The following LGMN variants were observed in gnomAD, a reference collection of about 807,000 sequenced individuals.
LGMN encodes the protein legumain, also known as asparaginyl endopeptidase.
In LGMN, 36 loss-of-function variants were observed where a neutral mutation model predicts 56.8. The ratio of observed to expected loss-of-function variants is 0.63; its 90% CI spans 0.49 to 0.84. LGMN has a LOEUF of 0.84. LGMN is among the 40% of genes least tolerant of loss of function. The pLI is 0.00. For synonymous variants in LGMN, 199 were observed against 210.1 expected, an observed-to-expected ratio of 0.95 and a Z score of 0.46; for missense variants, 446 against 556.1, an observed-to-expected ratio of 0.80 and a Z score of 1.99.
At chr14:92,722,298 G>A (rs923284546) in intron 2 of LGMN, among the ~76,000 whole-genome samples, 14 of 152,024 alleles carry the variant, frequency 9.2e-5, no homozygotes, top group East Asian at 1.9e-4. Flanking sequence ...CAGGCCAGGC[G>A]CAGTGGCTCA....
Position 92,709,876 on chromosome 14 carries a change from G to A in LGMN, c.820-4C>T, listed in dbSNP as rs761564492. ...TCACTTTCATGGTGGAGATTGTCTG[G>A]GGAGACAGACAGCAAGAGAGAGCGA... On this transcript the variant is annotated splice_region_variant and splice_polypyrimidine_tract_variant and intron_variant, in intron 10 of 13. Transcript: ENST00000334869. 6.3e-7 allele frequency: 1 copy of A among 1,596,222 alleles called. No homozygotes were observed. Among genetic ancestry groups the A allele is most frequent in the Admixed American group, 1.7e-5 (1 of 59,034 alleles).
chr14:92,721,414 C>T (rs900961180), intron 2 of LGMN, among the ~76,000 whole-genome samples: 2 of 152,154 alleles, frequency 1.3e-5, no homozygotes, highest in Admixed American at 6.5e-5. Flanking sequence ...CAGGCAACAC[C>T]GTGATTTAAC....
intron 1 of LGMN, chr14:92,743,141 G>A (rs1328682107): frequency 6.6e-6 from 1 of 152,022 alleles, no homozygotes; most frequent in African/African-American, 2.4e-5. Flanking sequence ...GAAATGAGAT[G>A]GTAGAGCTTA....
chr14:92,739,108 C>T (rs901914078), intron 1 of LGMN, among the ~76,000 whole-genome samples: 1 of 151,814 alleles, frequency 6.6e-6, no homozygotes, highest in African/African-American at 2.4e-5. Context: ...AAGAGAGACA[C>T]AAAAGTAAAA....
chr14:92,743,712 A>G (rs946251231), intron 1 of LGMN, among the ~76,000 whole-genome samples: 6 of 151,898 alleles, frequency 4.0e-5, no homozygotes, highest in Non-Finnish European at 7.4e-5. Flanking sequence ...GAGACATGAG[A>G]ACTGCTTGAG....
chr14:92,743,297 C>T (rs879799243), intron 1 of LGMN, among the ~76,000 whole-genome samples: 9 of 151,868 alleles, frequency 5.9e-5, no homozygotes, highest in Admixed American at 1.3e-4. Flanking sequence ...GTCAGGAGAT[C>T]GAGACCATCC....
At chr14:92,704,978 C>G (rs139363134) in intron 12 of LGMN, 1 of 391,388 alleles carries the variant, frequency 2.6e-6, no homozygotes, top group African/African-American at 2.0e-5. Flanking sequence ...AGGGAACTCC[C>G]GATGGCTCTG....
intron 2 of LGMN, among the ~76,000 whole-genome samples, chr14:92,722,305 C>T (rs1294029900): frequency 6.6e-6 from 1 of 152,066 alleles, no homozygotes; most frequent in Admixed American, 6.6e-5. Context: ...GGCGCAGTGG[C>T]TCACACCTGT....
chr14:92,731,194 T>A (rs1842444793), intron 2 of LGMN, among the ~76,000 whole-genome samples: 1 of 152,188 alleles, frequency 6.6e-6, no homozygotes, highest in Non-Finnish European at 1.5e-5. Flanking sequence ...TAAAGGACTC[T>A]GTGTAAAGCG....
chr14:92,732,887 A>C, intron 1 of LGMN, 72 bp from the exon 2 acceptor site: 43 of 1,250,510 alleles, frequency 3.4e-5, no homozygotes, highest in Non-Finnish European at 4.2e-5. Flanking sequence ...GCGGTGGCTC[A>C]CACCTGTAAT....
intron 2 of LGMN, among the ~76,000 whole-genome samples, chr14:92,719,125 ACAACCACCGCCACCG>A (rs1890220063): frequency 1.3e-5 from 2 of 149,828 alleles, no homozygotes; most frequent in Non-Finnish European, 3.0e-5. Flanking sequence ...CCCCACCACC[ACAACCACCGCCACCG>A]CCACCACCAC....
chr14:92,718,557 G>A (rs973908651), intron 3 of LGMN, among the ~76,000 whole-genome samples, 190 bp downstream of exon 3: 16 of 151,520 alleles, frequency 1.1e-4, no homozygotes, highest in African/African-American at 3.9e-4. Context: ...CTGGGCAACA[G>A]AGCAAGACTG....
At chr14:92,726,001 C>G (rs1318483234) in intron 2 of LGMN, among the ~76,000 whole-genome samples, 1 of 151,876 alleles carries the variant, frequency 6.6e-6, no homozygotes, top group Non-Finnish European at 1.5e-5. Flanking sequence ...CTTTGGGAGG[C>G]TGAGGCAGGT....
At chr14:92,734,117 A>G (rs1194470595) in intron 1 of LGMN, among the ~76,000 whole-genome samples, 1 of 152,252 alleles carries the variant, frequency 6.6e-6, no homozygotes, top group African/African-American at 2.4e-5. Flanking sequence ...TTGTCTTTGC[A>G]TCACACTTAC....
chr14:92,743,055 T>G (rs968609975), intron 1 of LGMN: 1 of 151,418 alleles, frequency 6.6e-6, no homozygotes, highest in Non-Finnish European at 1.5e-5. Flanking sequence ...TCTGATGCAA[T>G]TTTTCTTTAA....
intron 13 of LGMN, 78 bp from the exon 14 acceptor site, chr14:92,704,439 G>T: frequency 8.0e-7 from 1 of 1,256,668 alleles, no homozygotes; most frequent in South Asian, 1.3e-5. Context: ...CCCACATGCG[G>T]CAGGCAGGCA....
In LGMN at chr14:92,718,750, T is replaced by C. The variant is rs1423660310; in HGVS notation, c.233A>G (p.Glu78Gly). The change falls in exon 3 of 14, where the codon GAA (glutamate) becomes GGA (glycine). Residue 78 changes from glutamate to glycine, a missense_variant. Glu to Gly is a moderately conservative substitution (Grantham distance 98). Transcript: ENST00000334869. Reference protein sequence around the residue: ...VMMYDDIAYSEDNPTPGIVIN... With the variant: ...VMMYDDIAYSGDNPTPGIVIN... The stretch of plus-strand genomic sequence containing the variant: ...GTTCCAAGTGTTCCCCACTTACTCT[T>C]CAGAGTAAGCAATGTCATCGTACAT... The C allele has an allele frequency of 6.3e-7, 1 of 1,598,846 alleles. No individual in the cohort carries two copies. Among genetic ancestry groups the C allele is most frequent in the Non-Finnish European group, 8.6e-7 (1 of 1,166,502 alleles).
rs577141707 is a variant in LGMN, at chr14:92,714,159, G to A, written c.480+217C>T. ...ACACCCACATCCTGAGACAGCTACC[G>A]ACGCTGCGACATGAACAGAAAAGCA... On this transcript the variant is annotated intron_variant, in intron 6 of 13. Coordinates refer to ENST00000334869, the MANE Select transcript of LGMN (RefSeq NM_005606.7). This position sits in a 1 kb window ranked among gnomAD's most constrained non-coding sequence, Gnocchi z 5.1. 7.2e-5 allele frequency among the ~76,000 whole-genome samples: 11 copies of A among 152,258 alleles called. No homozygotes were observed. In the East Asian group the frequency reaches 2.1e-3, roughly 29 times the overall value.
At chr14:92,724,349 A>G (rs1168269688) in intron 2 of LGMN, among the ~76,000 whole-genome samples, 1 of 152,162 alleles carries the variant, frequency 6.6e-6, no homozygotes, top group Non-Finnish European at 1.5e-5. Context: ...CTTATGCCCC[A>G]TCTTCCACAC....
Sources: allele counts gnomAD v4.1 joint callset (sites outside exome capture counted in the v4.1 genomes callset), GRCh38; gene constraint gnomAD v4.1.1; non-coding constraint Gnocchi (gnomAD v3.1); transcripts MANE v1.5; gene names NCBI Gene and HGNC (gene_info 2026-07-23, HGNC 2026-07-21).